PIK3C2B: variants seen among roughly 807,000 people sequenced by gnomAD.
PIK3C2B encodes the protein phosphatidylinositol 4-phosphate 3-kinase C2 domain-containing subunit beta.
Under a neutral mutation model 184.3 loss-of-function variants are expected in PIK3C2B, and 83 were observed. The ratio of observed to expected loss-of-function variants is 0.45; its 90% CI spans 0.38 to 0.54. The LOEUF is 0.54. Ranked by LOEUF, PIK3C2B falls within the 20% of genes least tolerant of loss-of-function variation. PIK3C2B has a pLI of 0.00. For synonymous variants in PIK3C2B, 779 were observed against 837.6 expected (o/e 0.93, Z 1.21); for missense variants, 1,736 against 2,113.5 (o/e 0.82, Z 3.50).
In PIK3C2B at chr1:204,494,801, A is replaced by T. The variant is rs1256879668; in HGVS notation, c.-530T>A. 1 of 151,596 alleles carries T rather than the reference A, an allele frequency of 6.6e-6. No homozygotes were observed. Among genetic ancestry groups the T allele is most frequent in the Admixed American group, 6.6e-5 (1 of 15,228 alleles). The allele number at this position is 151,596 out of a possible 1,614,324, so 9.4% of individuals were successfully genotyped here. A position where few individuals can be genotyped will look rare whatever the true frequency, so the allele number is the denominator to read the frequency against. The stretch of plus-strand genomic sequence containing the variant: ...GCCGCCGGCTCCAGCCGCAGCGCCG[A>T]ATCCGCCGCGAGCCGGAGGGCGGGG... On this transcript the variant is annotated 5_prime_UTR_variant, in exon 1 of 33. Coordinates refer to ENST00000684373, the MANE Select transcript of PIK3C2B (RefSeq NM_001377334.1).
Position 204,464,555 on chromosome 1 carries a change from A to C in PIK3C2B, c.1084T>G (p.Trp362Gly). Residue 362 changes from tryptophan to glycine, a missense_variant, in exon 4 of 33, where the codon TGG becomes GGG. Physicochemically the swap from Trp to Gly is radical, Grantham distance 184. Around this residue, in one of 8 missense-constraint regions of PIK3C2B, gnomAD observed 609 missense variants for 699.2 expected, o/e 0.87. Transcript: ENST00000684373. ...IQDYFLTGYVWSAVTPSPEHL... is the reference protein window; with the variant it reads ...IQDYFLTGYVGSAVTPSPEHL... The stretch of plus-strand genomic sequence containing the variant: ...TCTGGGCTAGGGGTGACAGCACTCC[A>C]GACATAGCCAGTGAGGAAGTAGTCT... The C allele has an allele frequency of 6.2e-7, 1 of 1,614,090 alleles. No homozygotes were observed. Among genetic ancestry groups the C allele is most frequent in the Non-Finnish European group, 8.5e-7 (1 of 1,179,960 alleles).
At position 204,494,185 on chromosome 1, in the gene PIK3C2B, C is replaced by T. The variant is rs1658213846; in HGVS notation, c.-85+171G>A. Among the ~76,000 whole-genome samples the T allele has an allele frequency of 2.0e-5, 3 of 152,172 alleles. No individual in the cohort carries two copies. The South Asian group carries it at 6.2e-4, about 31-fold the overall frequency. ...TCTGCCCGGCGGGCAGGAGCTCAGG[C>T]TCCCACGGCGTCCGCCGCTCAGCCC... is the stretch of plus-strand genomic sequence containing the variant. On this transcript the variant is annotated intron_variant, in intron 1 of 32. Coordinates refer to ENST00000684373, the MANE Select transcript of PIK3C2B (RefSeq NM_001377334.1).
chr1:204,469,259 T>C lies in PIK3C2B; in HGVS notation c.544A>G (p.Lys182Glu), dbSNP rs1161019619. 1.3e-6 allele frequency: 2 copies of C among 1,571,026 alleles called. No individual in the cohort carries two copies. The highest frequency in any genetic ancestry group is 2.4e-5 in the South Asian group (2 of 83,640). ...PPRKGSPSSS[K>E]ISQPSDINTF... ...TTGATGTCACTGGGCTGGGAGATCT[T>C]GGAGGATGAGGGGGACCCCTTTCTG... Residue 182 changes from lysine (K) to glutamate (E), a missense_variant, in exon 2 of 33, where the codon AAG (lysine) becomes GAG (glutamate). Lys to Glu is a moderately conservative substitution (Grantham distance 56). Transcript: ENST00000684373.
chr1:204,458,193 G>A (rs544558538), intron 8 of PIK3C2B, among the ~76,000 whole-genome samples: 4 of 152,210 alleles, frequency 2.6e-5, no homozygotes, highest in African/African-American at 9.6e-5. Flanking sequence ...CCAGAGACCT[G>A]TAGAATTTCC....
At chr1:204,450,062 C>A in intron 12 of PIK3C2B, 45 bp from the exon 13 acceptor site, 2 of 1,473,294 alleles carry the variant, frequency 1.4e-6, no homozygotes, top group Non-Finnish European at 1.8e-6. Flanking sequence ...ACTCCTGTGG[C>A]TTCAAGCAAC....
At position 204,469,202 on chromosome 1, in the gene PIK3C2B, T is replaced by C. The variant is rs1656088297; in HGVS notation, c.601A>G (p.Lys201Glu). 6.2e-7 allele frequency: 1 copy of C among 1,611,580 alleles called. No homozygotes were observed. Among genetic ancestry groups the C allele is most frequent in the African/African-American group, 1.3e-5 (1 of 74,862 alleles). The change falls in exon 2 of 33, where the codon AAA becomes GAA. Residue 201 changes from lysine to glutamate, a missense_variant. Lys to Glu is a moderately conservative substitution (Grantham distance 56). This residue lies in a region of PIK3C2B where 404 missense variants were observed against 418.0 expected (regional missense o/e 0.97). Transcript: ENST00000684373. ...TCTAGGATCCGATGCTCTAGCAGTT[T>C]GCCCGGCAATTGTTCGACCAAAGAG... ...TFSLVEQLPG[K>E]LLEHRILEEE...
rs1439721095 is a variant in PIK3C2B, at chr1:204,443,071, G to C, written c.3048+346C>G. Among the ~76,000 whole-genome samples the C allele has an allele frequency of 2.6e-5, 4 of 152,240 alleles. No individual in the cohort carries two copies. In the East Asian group the frequency reaches 7.7e-4, roughly 29 times the overall value. On this transcript the variant is annotated intron_variant, in intron 19 of 32. Transcript: ENST00000684373. ...GTCCTCTCTGGGTGGCATCAGGCCT[G>C]AGCCATGGGTCACAGCATGGTGAAC... is the stretch of plus-strand genomic sequence containing the variant.
rs148852300 is a variant in PIK3C2B, at chr1:204,428,321, A to G, written c.4399-101T>C. The stretch of plus-strand genomic sequence containing the variant: ...GATGTAAAAAGACTTAGGAAATATA[A>G]CAACCAACAACATGCAGTTCTTATG... On this transcript the variant is annotated intron_variant, in intron 29 of 32. Coordinates refer to ENST00000684373, the MANE Select transcript of PIK3C2B (RefSeq NM_001377334.1). 6.8e-4 allele frequency: 469 copies of G among 690,402 alleles called. 7 individuals are homozygous for G. In the African/African-American group the frequency reaches 7.8e-3, roughly 12 times the overall value. The allele number at this position is 690,402 out of a possible 1,614,324, so 42.8% of individuals were successfully genotyped here. A position where few individuals can be genotyped will look rare whatever the true frequency, so the allele number is the denominator to read the frequency against.
intron 1 of PIK3C2B, among the ~76,000 whole-genome samples, chr1:204,470,718 T>C (rs146365398): frequency 1.6e-4 from 25 of 152,390 alleles, no homozygotes; most frequent in Middle Eastern, 6.8e-3. Context: ...AGCAGCTTTA[T>C]TTGTAATATC....
In PIK3C2B at chr1:204,433,349, T is replaced by C. The variant is rs1247392147; in HGVS notation, c.3920A>G (p.Asp1307Gly). Reference protein sequence around the residue: ...KYVYDALRPQDTEANATTYFT... With the variant: ...KYVYDALRPQGTEANATTYFT... ...GTAGGTAGTGGCATTGGCCTCTGTA[T>C]CCTGAGGCCTCAGGGCATCGTACAC... The change falls in exon 26 of 33, where the codon GAT becomes GGT. Residue 1307 changes from aspartate to glycine, a missense_variant. By Grantham distance (94) the Asp-to-Gly change is moderately conservative. Transcript: ENST00000684373. The surrounding 1 kb of genome is among the most constrained non-coding windows in gnomAD (Gnocchi z 5.0). The C allele has an allele frequency of 6.2e-7, 1 of 1,609,748 alleles. No homozygotes were observed. Among genetic ancestry groups the C allele is most frequent in the African/African-American group, 1.3e-5 (1 of 74,824 alleles).
At chr1:204,459,827 GGA>G (rs1558260736) in intron 8 of PIK3C2B, 49 bp downstream of exon 8, 1 of 1,456,908 alleles carries the variant, frequency 6.9e-7, no homozygotes. Context: ...CTGAGGAAGG[GGA>G]GAGGAGGAGC....
chr1:204,438,885 G>A (rs776406482), intron 23 of PIK3C2B, 50 bp downstream of exon 23: 19 of 1,575,714 alleles, frequency 1.2e-5, no homozygotes, highest in African/African-American at 5.4e-5. Flanking sequence ...GCTGTGTGCC[G>A]GCATCAGGCA....
chr1:204,443,321 C>T (rs991464226), intron 19 of PIK3C2B, 96 bp downstream of exon 19: 25 of 1,241,362 alleles, frequency 2.0e-5, no homozygotes, highest in East Asian at 2.5e-5. Context: ...AATCAAAAAT[C>T]GTCACGTGGA....
Position 204,468,917 on chromosome 1 carries a change from G to A in PIK3C2B, c.886C>T (p.Arg296Ter), listed in dbSNP as rs752977069. 2.5e-6 allele frequency: 4 copies of A among 1,604,546 alleles called. No homozygotes were observed. The highest frequency in any genetic ancestry group is 1.1e-5 in the South Asian group (1 of 90,220). The change falls in exon 2 of 33, where the codon CGA becomes TGA. Residue 296 changes from arginine (R) to a stop codon, truncating the protein, a stop_gained. Transcript: ENST00000684373. LOFTEE classifies it high-confidence loss of function. ...PRTYASRYGNRKNATPGKNRR... is the reference protein window; with the variant it reads ...PRTYASRYGN Reference sequence around the variant, plus strand: ...TTCTTGCCAGGCGTCGCATTCTTTCGGTTGCCATAGCGGGAGGCATAGGTG... The same window carrying A: ...TTCTTGCCAGGCGTCGCATTCTTTCAGTTGCCATAGCGGGAGGCATAGGTG...
At position 204,469,617 on chromosome 1, in the gene PIK3C2B, C is replaced by T. The variant is rs374294323; in HGVS notation, c.186G>A (p.Glu62=). ...NADPSLISWD[E]PGVDFYSKPA... ...GCTTGCTGTAAAAGTCTACCCCAGG[C>T]TCATCCCAGCTGATGAGAGAGGGGT... Residue 62 remains glutamate, a synonymous_variant, in exon 2 of 33, where the codon GAG becomes GAA. Coordinates refer to ENST00000684373, the MANE Select transcript of PIK3C2B (RefSeq NM_001377334.1). The T allele has an allele frequency of 6.2e-7, 1 of 1,609,462 alleles. No individual in the cohort carries two copies. The highest frequency in any genetic ancestry group is 8.5e-7 in the Non-Finnish European group (1 of 1,177,412).
At chr1:204,437,859 G>C (rs1675437526) in intron 23 of PIK3C2B, among the ~76,000 whole-genome samples, 1 of 152,198 alleles carries the variant, frequency 6.6e-6, no homozygotes, top group Non-Finnish European at 1.5e-5. Flanking sequence ...AAACGTAGGT[G>C]GAAAAGTCCA....
chr1:204,440,299 T>C lies in PIK3C2B; in HGVS notation c.3272A>G (p.Asp1091Gly). Residue 1091 changes from aspartate to glycine, a missense_variant, in exon 22 of 33, where the codon GAC becomes GGC. Physicochemically the swap from Asp to Gly is moderately conservative, Grantham distance 94 (BLOSUM62 -1). Around this residue, in one of 8 missense-constraint regions of PIK3C2B, gnomAD observed 289 missense variants for 380.4 expected, o/e 0.76. Coordinates refer to ENST00000684373, the MANE Select transcript of PIK3C2B (RefSeq NM_001377334.1). The stretch of plus-strand genomic sequence containing the variant: ...GCGAATCATCTGCAGCGTTAGCATG[T>C]CCTGGCGAAGGTCGTCCCCACACTG... ...IFKCGDDLRQDMLTLQMIRIM... is the reference protein window; with the variant it reads ...IFKCGDDLRQGMLTLQMIRIM... 6.2e-7 allele frequency: 1 copy of C among 1,604,596 alleles called. No individual in the cohort carries two copies. Among genetic ancestry groups the C allele is most frequent in the Non-Finnish European group, 8.5e-7 (1 of 1,175,004 alleles).
chr1:204,463,563 G>A (rs1655502256), intron 5 of PIK3C2B, among the ~76,000 whole-genome samples: 1 of 152,130 alleles, frequency 6.6e-6, no homozygotes, highest in African/African-American at 2.4e-5. Context: ...GCAGGAGAAT[G>A]GGGAGAGACA....
At chr1:204,437,282 G>A (rs757375660) in intron 23 of PIK3C2B, among the ~76,000 whole-genome samples, 4 of 151,784 alleles carry the variant, frequency 2.6e-5, no homozygotes, top group Non-Finnish European at 5.9e-5. Flanking sequence ...ATCACCTGAG[G>A]TCAGGAGTTC....
Sources: allele counts gnomAD v4.1 joint callset (sites outside exome capture counted in the v4.1 genomes callset), GRCh38; gene constraint gnomAD v4.1.1; regional missense constraint gnomAD v4.1.1; non-coding constraint Gnocchi (gnomAD v3.1); transcripts MANE v1.5; gene names NCBI Gene and HGNC (gene_info 2026-07-23, HGNC 2026-07-21).